The following SPTSSA variants were observed in gnomAD, a reference collection of about 807,000 sequenced individuals.
SPTSSA encodes serine palmitoyltransferase small subunit A.
A neutral mutation model predicts 9.1 loss-of-function variants in SPTSSA; 8 were observed. The ratio of observed to expected loss-of-function variants is 0.88; its 90% CI spans 0.51 to 1.58. The LOEUF is 1.58. Among genes scored for constraint, SPTSSA ranks in the 40% most tolerant of loss-of-function variants. SPTSSA has a pLI of 0.00. For synonymous variants in SPTSSA, 42 were observed against 37.7 expected, an observed-to-expected ratio of 1.11 and a Z score of -0.41; for missense variants, 100 against 93.8, an observed-to-expected ratio of 1.07 and a Z score of -0.27.
intron 1 of SPTSSA, among the ~76,000 whole-genome samples, chr14:34,455,156 G>A (rs186421539): frequency 2.6e-5 from 4 of 151,906 alleles, no homozygotes; most frequent in Admixed American, 2.0e-4. Context: ...GGGAGGCCGA[G>A]GTGGGCGGAT....
chr14:34,440,036 A>G (rs987639287), intron 1 of SPTSSA, among the ~76,000 whole-genome samples: 2 of 152,212 alleles, frequency 1.3e-5, no homozygotes, highest in African/African-American at 4.8e-5. Flanking sequence ...ATGCTCATAA[A>G]GCTCCTTTAA....
intron 1 of SPTSSA, among the ~76,000 whole-genome samples, chr14:34,459,029 C>T (rs994922301): frequency 2.0e-5 from 3 of 151,728 alleles, no homozygotes; most frequent in Admixed American, 6.6e-5. Flanking sequence ...CTCAGCCTCC[C>T]GACTAGTGGG....
Position 34,459,948 on chromosome 14 carries a change from T to C in SPTSSA, c.112+2148A>G, listed in dbSNP as rs111602495. ...ATGTTTAAGCTGTAGAAAGTATGCC[T>C]CTTTCCAAAAGCCTGTAGCTGGCCA... On this transcript the variant is annotated intron_variant, in intron 1 of 1. Transcript: ENST00000298130. 5.0e-3 allele frequency among the ~76,000 whole-genome samples: 765 copies of C among 152,328 alleles called. 8 individuals are homozygous for C. Among genetic ancestry groups the C allele is most frequent in the African/African-American group, 0.018 (737 of 41,566 alleles).
rs113911007 is a variant in SPTSSA at position 34,452,022 on chromosome 14, G to A, written c.112+10074C>T. Among the ~76,000 whole-genome samples, 666 of 151,794 alleles carry A rather than the reference G, an allele frequency of 4.4e-3. 7 individuals carry two copies. Among genetic ancestry groups the A allele is most frequent in the African/African-American group, 0.013 (554 of 41,416 alleles). On this transcript the variant is annotated intron_variant, in intron 1 of 1. Coordinates refer to ENST00000298130, the MANE Select transcript of SPTSSA (RefSeq NM_138288.4). ...GAAAGTGCCTAGCGTGGTGGCTCAC[G>A]CCTGTAATCCCATGCCAGCACTTTG...
chr14:34,449,991 G>A (rs1883492291), intron 1 of SPTSSA, among the ~76,000 whole-genome samples: 1 of 152,200 alleles, frequency 6.6e-6, no homozygotes, highest in South Asian at 2.1e-4. Context: ...AGGAGAAACA[G>A]TACAGCACTG....
At chr14:34,444,307 T>G (rs1367632792) in intron 1 of SPTSSA, among the ~76,000 whole-genome samples, 1 of 152,254 alleles carries the variant, frequency 6.6e-6, no homozygotes. Context: ...GGTCATAAAC[T>G]GCTTCCTTGG....
chr14:34,451,371 G>T (rs1349487978), intron 1 of SPTSSA, among the ~76,000 whole-genome samples: 4 of 152,052 alleles, frequency 2.6e-5, no homozygotes, highest in African/African-American at 7.2e-5. Context: ...ACATTAAAAA[G>T]CAAAGCTAAA....
At chr14:34,448,477 C>T (rs1287001841) in intron 1 of SPTSSA, among the ~76,000 whole-genome samples, 1 of 152,180 alleles carries the variant, frequency 6.6e-6, no homozygotes, top group Non-Finnish European at 1.5e-5. Flanking sequence ...CCGATTCACA[C>T]TTCAGCTATA....
intron 1 of SPTSSA, among the ~76,000 whole-genome samples, chr14:34,452,867 G>T (rs1314176223): frequency 6.6e-6 from 1 of 152,120 alleles, no homozygotes; most frequent in Non-Finnish European, 1.5e-5. Flanking sequence ...TCCTTCATAT[G>T]GGATATTTCA....
intron 1 of SPTSSA, among the ~76,000 whole-genome samples, chr14:34,442,771 G>A (rs144123371): frequency 0.012 from 1,859 of 152,272 alleles, 36 homozygotes; most frequent in African/African-American, 0.042. Context: ...CTTGGAGTCT[G>A]GGGAGGTTTG....
chr14:34,447,601 T>C (rs1015324577), intron 1 of SPTSSA, among the ~76,000 whole-genome samples: 1 of 152,084 alleles, frequency 6.6e-6, no homozygotes, highest in African/African-American at 2.4e-5. Flanking sequence ...GCTCATACTC[T>C]CACCTAAGTA....
intron 1 of SPTSSA, among the ~76,000 whole-genome samples, chr14:34,452,262 A>G (rs2787443): frequency 0.2 from 29,800 of 150,196 alleles, 3,096 homozygotes; most frequent in South Asian, 0.31. Flanking sequence ...AAAAAAAAAA[A>G]AAAGAAAGTT....
intron 1 of SPTSSA, among the ~76,000 whole-genome samples, chr14:34,460,704 T>C (rs1878601282): frequency 6.6e-6 from 1 of 152,208 alleles, no homozygotes; most frequent in Non-Finnish European, 1.5e-5. Context: ...CAAGATATAC[T>C]TGCTTCTACT....
At chr14:34,450,739 A>C (rs76114754) in intron 1 of SPTSSA, among the ~76,000 whole-genome samples, 2,672 of 152,330 alleles carry the variant, frequency 0.018, 77 homozygotes, top group African/African-American at 0.062. Flanking sequence ...GCCATAGTAC[A>C]TTGCTTGGTA....
At chr14:34,457,516 T>C (rs745769807) in intron 1 of SPTSSA, among the ~76,000 whole-genome samples, 1 of 152,226 alleles carries the variant, frequency 6.6e-6, no homozygotes, top group Non-Finnish European at 1.5e-5. Flanking sequence ...TAATACTAAT[T>C]GGCACTTATC....
intron 1 of SPTSSA, among the ~76,000 whole-genome samples, chr14:34,457,826 A>G (rs1340941745): frequency 6.6e-6 from 1 of 152,008 alleles, no homozygotes; most frequent in Non-Finnish European, 1.5e-5. Context: ...ACAAAAATTT[A>G]GCTGGGCATG....
rs1374816585 is a variant in SPTSSA at position 34,443,197 on chromosome 14, GGGT to G, written c.113-7896_113-7894del. ...TTTTGAGATTGAGTTTTCCTCTAGGGGGTGTGTGTGTGTGTGTGTGTGTGTGTG... is the reference window on the plus strand; with the variant it reads ...TTTTGAGATTGAGTTTTCCTCTAGGGGTGTGTGTGTGTGTGTGTGTGTGTG... On this transcript the variant is annotated intron_variant, in intron 1 of 1. Coordinates refer to ENST00000298130, the MANE Select transcript of SPTSSA (RefSeq NM_138288.4). Among the ~76,000 whole-genome samples the G allele has an allele frequency of 7.6e-3, 137 of 17,968 alleles. 26 individuals are homozygous for G. The highest frequency in any genetic ancestry group is 0.031 in the African/African-American group (130 of 4,206). 11.8% of individuals were successfully genotyped at this position (17,968 alleles called of 152,430 possible).
Position 34,462,160 on chromosome 14 carries a change from G to C in SPTSSA, c.48C>G (p.Phe16Leu). Residue 16 changes from phenylalanine (F) to leucine (L), a missense_variant, in exon 1 of 2, where the codon TTC becomes TTG. Physicochemically the swap from Phe to Leu is conservative, Grantham distance 22. Transcript: ENST00000298130. ...LARAWKQMSW[F>L]YYQYLLVTAL... The stretch of plus-strand genomic sequence containing the variant: ...CCGTGACCAGCAGGTACTGGTAGTA[G>C]AACCAGGACATCTGCTTCCAGGCCC... 1 of 1,533,990 alleles carries C rather than the reference G, an allele frequency of 6.5e-7. No homozygotes were observed. Among genetic ancestry groups the C allele is most frequent in the African/African-American group, 1.4e-5 (1 of 69,460 alleles).
At chr14:34,438,808 TGATA>T (rs1238850211) in intron 1 of SPTSSA, among the ~76,000 whole-genome samples, 10 of 152,180 alleles carry the variant, frequency 6.6e-5, no homozygotes, top group African/African-American at 2.4e-4. Flanking sequence ...TTTACTTAGA[TGATA>T]GAAAGTTCCC....
Sources: gnomAD v4.1 joint callset for allele counts (sites outside exome capture counted in the v4.1 genomes callset) on GRCh38, gnomAD v4.1.1 for gene constraint, MANE v1.5 for transcripts, NCBI Gene and HGNC (gene_info 2026-07-23, HGNC 2026-07-21) for gene names.